Variants in XYLB observed in about 807,000 individuals in gnomAD.
XYLB encodes the protein xylulose kinase.
Under a neutral mutation model 78.7 loss-of-function variants are expected in XYLB, and 62 were observed. The ratio of observed to expected loss-of-function variants is 0.79; its 90% confidence interval spans 0.64 to 0.97. The LOEUF (loss-of-function observed/expected upper bound fraction) is 0.97. XYLB is among the 50% of genes least tolerant of loss of function. The probability of loss-of-function intolerance (pLI) is 0.00; values close to 1 mark genes in which losing one functional copy is unlikely to be tolerated. For synonymous variants in XYLB, 245 were observed against 247.4 expected (o/e 0.99, Z 0.09); for missense variants, 687 against 676.8 (o/e 1.02, Z -0.17).
the XYLB span, among the ~76,000 whole-genome samples, chr3:38,432,321 G>C: frequency 6.6e-6 from 1 of 152,186 alleles, no homozygotes; most frequent in Non-Finnish European, 1.5e-5. Context: ...GTAATCCCAA[G>C]ACTTTTGGAG....
At chr3:38,417,216 G>A (rs1449410545), downstream of XYLB, among the ~76,000 whole-genome samples, 2 of 152,056 alleles carry the variant, frequency 1.3e-5, no homozygotes, top group Admixed American at 6.6e-5. Context: ...CAGGTGGATC[G>A]CTTGAGCTCA....
At chr3:38,408,884 GCAATAAC>G (rs1708451098) in intron 18 of XYLB, among the ~76,000 whole-genome samples, 2 of 152,192 alleles carry the variant, frequency 1.3e-5, no homozygotes, top group Admixed American at 1.3e-4. Context: ...TGAAATTGTG[GCAATAAC>G]CAATAGCTTA....
chr3:38,413,192 G>A lies in XYLB; in HGVS notation c.*179G>A. 1 of 519,814 alleles carries A rather than the reference G, an allele frequency of 1.9e-6. No individual in the cohort carries two copies. The highest frequency in any genetic ancestry group is 3.2e-6 in the Non-Finnish European group (1 of 308,418). The allele number at this position is 519,814 out of a possible 1,614,324, so 32.2% of individuals were successfully genotyped here. A position where few individuals can be genotyped will look rare whatever the true frequency, so the allele number is the denominator to read the frequency against. ...AGCACATCTGCATGAAGATAGATAG[G>A]CACTCCTGTCCCTGTGCCCGTGTGC... On this transcript the variant is annotated 3_prime_UTR_variant, in exon 19 of 19. Transcript: ENST00000207870.
At chr3:38,422,521 G>A (rs1430860006), downstream of XYLB, among the ~76,000 whole-genome samples, 4 of 152,168 alleles carry the variant, frequency 2.6e-5, no homozygotes, top group Non-Finnish European at 4.4e-5. Flanking sequence ...TTTCTCTACA[G>A]CACTGGCCGT....
intron 15 of XYLB, among the ~76,000 whole-genome samples, chr3:38,381,049 T>C (rs539864803): frequency 7.2e-5 from 11 of 152,308 alleles, no homozygotes; most frequent in African/African-American, 2.6e-4. Flanking sequence ...GGCAGGTGGA[T>C]TGCTTGAGTC....
At chr3:38,398,270 C>T (rs1707971991) in intron 17 of XYLB, among the ~76,000 whole-genome samples, 3 of 151,052 alleles carry the variant, frequency 2.0e-5, no homozygotes, top group Admixed American at 2.0e-4. Flanking sequence ...GAGTTCGAGA[C>T]CAGCCTGGAC....
At chr3:38,374,639 A>G in intron 11 of XYLB, 137 bp downstream of exon 11, 2 of 1,043,572 alleles carry the variant, frequency 1.9e-6, no homozygotes, top group African/African-American at 1.6e-5. Flanking sequence ...TCTGCTACTT[A>G]TCAGAGTGTC....
At chr3:38,443,766 AGT>A in the XYLB span, among the ~76,000 whole-genome samples, 561 of 152,222 alleles carry the variant, frequency 3.7e-3, 2 homozygotes, top group African/African-American at 0.013. Context: ...GTGACAGGGG[AGT>A]GTATTTTCTT....
chr3:38,376,979 A>G lies in XYLB; in HGVS notation c.1182A>G (p.Thr394=). 1 of 1,614,024 alleles carries G rather than the reference A, an allele frequency of 6.2e-7. No homozygotes were observed. Among genetic ancestry groups the G allele is most frequent in the Admixed American group, 1.7e-5 (1 of 60,016 alleles). Reference sequence around the variant, plus strand: ...TTATTGGACGTCATAGGTTTAACACAGAAAACCACAAGGTACATGTGCTGT... The same window carrying G: ...TTATTGGACGTCATAGGTTTAACACGGAAAACCACAAGGTACATGTGCTGT... ...PEIIGRHRFN[T]ENHKVAAFPG... Residue 394 remains threonine, a synonymous_variant, in exon 14 of 19, where the codon ACA becomes ACG. Transcript: ENST00000207870.
intron 17 of XYLB, among the ~76,000 whole-genome samples, chr3:38,398,641 TCTGCCTGCCTGC>T (rs544081780): frequency 8.0e-4 from 119 of 149,522 alleles, no homozygotes; most frequent in African/African-American, 2.3e-3. Context: ...TACCTATGAG[TCTGCCTGCCTGC>T]CTGCCTGCCT....
At chr3:38,407,472 C>T (rs1470992360) in intron 18 of XYLB, among the ~76,000 whole-genome samples, 4 of 152,162 alleles carry the variant, frequency 2.6e-5, no homozygotes, top group African/African-American at 9.7e-5. Context: ...GAAACTGCAT[C>T]AACTAACAAG....
chr3:38,400,437 G>C (rs1053730716), intron 17 of XYLB, among the ~76,000 whole-genome samples: 1 of 152,172 alleles, frequency 6.6e-6, no homozygotes, highest in African/African-American at 2.4e-5. Flanking sequence ...AAGGGAACAG[G>C]CATGTGAAGA....
chr3:38,387,033 T>C (rs890555837), intron 15 of XYLB, among the ~76,000 whole-genome samples: 1 of 152,222 alleles, frequency 6.6e-6, no homozygotes, highest in African/African-American at 2.4e-5. Context: ...AATGGGGTTT[T>C]CTTCTCTGGC....
rs756037349 is a variant in XYLB, at chr3:38,365,175, C to T, written c.292-24C>T. The T allele has an allele frequency of 3.1e-6, 5 of 1,612,180 alleles. No homozygotes were observed. The African/African-American group carries it at 5.3e-5, about 17-fold the overall frequency. The stretch of plus-strand genomic sequence containing the variant: ...GTGACACTGGTGTGTGGTCATGTGA[C>T]CATGTGCTTGGGTTTCCCAACAGCA... On this transcript the variant is annotated intron_variant, in intron 4 of 18. Transcript: ENST00000207870.
At chr3:38,379,849 A>C (rs1402888144) in intron 15 of XYLB, among the ~76,000 whole-genome samples, 1 of 152,230 alleles carries the variant, frequency 6.6e-6, no homozygotes, top group Non-Finnish European at 1.5e-5. Flanking sequence ...TCTGTTGCCT[A>C]TAACAGAATA....
At chr3:38,367,368 A>C (rs919255688) in intron 7 of XYLB, among the ~76,000 whole-genome samples, 1 of 152,220 alleles carries the variant, frequency 6.6e-6, no homozygotes, top group African/African-American at 2.4e-5. Flanking sequence ...TGAAGCCAGC[A>C]CTTGTTGCTG....
chr3:38,446,579 C>A, the XYLB span, among the ~76,000 whole-genome samples: 2 of 152,036 alleles, frequency 1.3e-5, no homozygotes, highest in Non-Finnish European at 2.9e-5. Context: ...ACACATAGAC[C>A]AATGGAACAG....
rs1466123276 is a variant in XYLB, at chr3:38,414,632, TGAGAA to T, written c.*1625_*1629del. 3 of 152,112 alleles carry T rather than the reference TGAGAA, an allele frequency of 2.0e-5. No homozygotes were observed. The highest frequency in any genetic ancestry group is 7.2e-5 in the African/African-American group (3 of 41,426). 9.4% of individuals were successfully genotyped at this position (152,112 alleles called of 1,614,324 possible). On this transcript the variant is annotated 3_prime_UTR_variant, in exon 19 of 19. Transcript: ENST00000207870. ...AAAATGAAAAAGCTACAAGCATATA[TGAGAA>T]GAGAACTGACTGAACTTGGGAAATA...
At chr3:38,392,528 C>T (rs1707706638) in intron 15 of XYLB, among the ~76,000 whole-genome samples, 1 of 152,076 alleles carries the variant, frequency 6.6e-6, no homozygotes, top group South Asian at 2.1e-4. Flanking sequence ...AACTCCTGAC[C>T]TCAGGTGATA....
Sources: gnomAD v4.1 joint callset for allele counts (sites outside exome capture counted in the v4.1 genomes callset) on GRCh38, gnomAD v4.1.1 for gene constraint, MANE v1.5 for transcripts, NCBI Gene and HGNC (gene_info 2026-07-23, HGNC 2026-07-21) for gene names.